Variants in ZNF536 observed in about 807,000 individuals in gnomAD.
The protein encoded by ZNF536 is zinc finger protein 536.
In ZNF536, 13 loss-of-function variants were observed where a neutral mutation model predicts 84.5. The observed-to-expected ratio is 0.15, with a 90% confidence interval of 0.10 to 0.24. The LOEUF (loss-of-function observed/expected upper bound fraction) is 0.24. Among genes scored for constraint, ZNF536 ranks in the 10% least tolerant of loss-of-function variants. The probability of loss-of-function intolerance (pLI) is 1.00; values close to 1 mark genes in which losing one functional copy is unlikely to be tolerated. For synonymous variants in ZNF536, 811 were observed against 742.5 expected (o/e 1.09, Z -1.50); for missense variants, 1,536 against 1,747.5 (o/e 0.88, Z 2.16).
At chr19:30,424,370 G>A (rs953306094) in intron 1 of ZNF536, among the ~76,000 whole-genome samples, 2 of 152,130 alleles carry the variant, frequency 1.3e-5, no homozygotes, top group Non-Finnish European at 2.9e-5. Context: ...AGGGCTGACC[G>A]AGGGAGCACA....
intron 2 of ZNF536, among the ~76,000 whole-genome samples, chr19:30,295,635 G>T (rs1490692476): frequency 2.6e-5 from 4 of 152,196 alleles, no homozygotes; most frequent in African/African-American, 4.8e-5. Flanking sequence ...CAGGGAGTGG[G>T]AGCTGGGGGC....
intron 1 of ZNF536, among the ~76,000 whole-genome samples, chr19:30,574,632 A>G (rs555960328): frequency 2.0e-5 from 3 of 152,210 alleles, no homozygotes; most frequent in African/African-American, 7.2e-5. Flanking sequence ...TTCTTCTTAC[A>G]GGGGAGCTTG....
At chr19:30,481,476 T>C (rs2054085511) in intron 2 of ZNF536, among the ~76,000 whole-genome samples, 1 of 152,196 alleles carries the variant, frequency 6.6e-6, no homozygotes, top group South Asian at 2.1e-4. Context: ...TGTCCTGGAA[T>C]CCTACCTCTC....
intron 1 of ZNF536, among the ~76,000 whole-genome samples, chr19:30,416,426 G>T (rs142399341): frequency 6.6e-6 from 1 of 152,160 alleles, no homozygotes; most frequent in East Asian, 1.9e-4. Context: ...GTGCCTGGCA[G>T]ATATTCTTCT....
chr19:30,428,539 G>T (rs539011959), intron 1 of ZNF536, among the ~76,000 whole-genome samples: 1 of 152,298 alleles, frequency 6.6e-6, no homozygotes, highest in African/African-American at 2.4e-5. Flanking sequence ...ACCCTGTGGG[G>T]ACCACAGTGG....
At chr19:30,301,501 C>T (rs1038597576) in intron 2 of ZNF536, among the ~76,000 whole-genome samples, 9 of 152,208 alleles carry the variant, frequency 5.9e-5, no homozygotes, top group Admixed American at 2.6e-4. Flanking sequence ...CTGCACATTC[C>T]GTGTTCACAG....
intron 1 of ZNF536, among the ~76,000 whole-genome samples, chr19:30,427,498 G>A (rs1327997591): frequency 6.6e-6 from 1 of 152,146 alleles, no homozygotes; most frequent in Admixed American, 6.5e-5. Flanking sequence ...GAAAAAGCCT[G>A]GCATTGGGCA....
chr19:30,269,379 A>G lies in ZNF536; in HGVS notation c.-189-14693A>G, dbSNP rs147884728. On this transcript the variant is annotated intron_variant, in intron 1 of 5. Coordinates refer to the ZNF536 transcript ENST00000585628. ...TGGAAGTTGCACCAGGGATAATTTA[A>G]TGGTGTGGGATGTAGAGGGAGAGTT... Among the ~76,000 whole-genome samples, 3 of 152,248 alleles carry G rather than the reference A, an allele frequency of 2.0e-5. No homozygotes were observed. In the East Asian group the frequency reaches 5.8e-4, roughly 29 times the overall value.
At chr19:30,636,003 G>A (rs1386252772) in intron 1 of ZNF536, among the ~76,000 whole-genome samples, 1 of 152,228 alleles carries the variant, frequency 6.6e-6, no homozygotes, top group Non-Finnish European at 1.5e-5. Flanking sequence ...GGTGCCAGTG[G>A]CTGCAACGTT....
At chr19:30,338,233 G>A (rs963490630) in intron 2 of ZNF536, among the ~76,000 whole-genome samples, 1 of 151,676 alleles carries the variant, frequency 6.6e-6, no homozygotes, top group Non-Finnish European at 1.5e-5. Flanking sequence ...CAATGTTAAT[G>A]GTGATTATGA....
At chr19:30,676,205 A>G (rs1395741680) in intron 1 of ZNF536, among the ~76,000 whole-genome samples, 1 of 151,968 alleles carries the variant, frequency 6.6e-6, no homozygotes, top group African/African-American at 2.4e-5. Context: ...AAATTCATTG[A>G]CTCTTCATGT....
intron 1 of ZNF536, among the ~76,000 whole-genome samples, chr19:30,633,385 C>T (rs898172810): frequency 1.3e-5 from 2 of 152,070 alleles, no homozygotes; most frequent in Non-Finnish European, 2.9e-5. Flanking sequence ...TTAACATATC[C>T]CATCACCTCA....
intron 1 of ZNF536, among the ~76,000 whole-genome samples, chr19:30,705,469 A>C (rs1038420408): frequency 6.6e-6 from 1 of 152,060 alleles, no homozygotes; most frequent in Non-Finnish European, 1.5e-5. Flanking sequence ...ATAAGTTTAG[A>C]GAATGAGGGT....
chr19:30,430,522 G>A (rs928885430), intron 1 of ZNF536, among the ~76,000 whole-genome samples: 4 of 152,156 alleles, frequency 2.6e-5, no homozygotes, highest in African/African-American at 9.7e-5. Flanking sequence ...AGACGGAAGG[G>A]CTCTGGACCG....
intron 1 of ZNF536, among the ~76,000 whole-genome samples, chr19:30,583,834 T>G (rs1298010188): frequency 6.6e-6 from 1 of 152,142 alleles, no homozygotes; most frequent in Admixed American, 6.5e-5. Flanking sequence ...TAAACAACTC[T>G]TCAAGCTTGA....
chr19:30,587,972 A>G (rs2047153388), intron 1 of ZNF536, among the ~76,000 whole-genome samples: 1 of 152,244 alleles, frequency 6.6e-6, no homozygotes, highest in African/African-American at 2.4e-5. Context: ...TGGTGCATGC[A>G]TGGCCTTGCC....
chr19:30,703,266 A>C (rs776955251), intron 1 of ZNF536, among the ~76,000 whole-genome samples: 8 of 152,208 alleles, frequency 5.3e-5, no homozygotes, highest in Non-Finnish European at 1.0e-4. Context: ...CAAACTATGC[A>C]GGCTTTAAGG....
At chr19:30,551,363 G>T (rs1025523865) in intron 4 of ZNF536, among the ~76,000 whole-genome samples, 2 of 152,204 alleles carry the variant, frequency 1.3e-5, no homozygotes, top group African/African-American at 4.8e-5. Context: ...CACCAGGCGA[G>T]GTTGAATGGG....
chr19:30,421,928 A>G (rs184834299), intron 1 of ZNF536, among the ~76,000 whole-genome samples: 26 of 152,370 alleles, frequency 1.7e-4, no homozygotes, highest in African/African-American at 6.3e-4. Flanking sequence ...CCTTTAATTT[A>G]GAGCAAGTGA....
Sources: gnomAD v4.1 joint callset for allele counts (sites outside exome capture counted in the v4.1 genomes callset) on GRCh38, gnomAD v4.1.1 for gene constraint, MANE v1.5 for transcripts, NCBI Gene and HGNC (gene_info 2026-07-23, HGNC 2026-07-21) for gene names.